Variants in PTPN13 observed in about 807,000 individuals in gnomAD.
The protein encoded by PTPN13 is protein tyrosine phosphatase non-receptor type 13, also known as tyrosine-protein phosphatase non-receptor type 13.
In PTPN13, 191 loss-of-function variants were observed where a neutral mutation model predicts 284.0. The ratio of observed to expected loss-of-function variants is 0.67; its 90% CI spans 0.60 to 0.76. PTPN13 has a LOEUF of 0.76. Among genes scored for constraint, PTPN13 ranks in the 30% least tolerant of loss-of-function variants. The pLI, the probability that PTPN13 is intolerant of heterozygous loss-of-function variation, is 0.00. For synonymous variants in PTPN13, 986 were observed against 1,022.3 expected, an observed-to-expected ratio of 0.96 and a Z score of 0.68; for missense variants, 2,797 against 2,939.9, an observed-to-expected ratio of 0.95 and a Z score of 1.12.
chr4:86,780,251 A>T, intron 35 of PTPN13, 151 bp from the exon 36 acceptor site: 1 of 637,090 alleles, frequency 1.6e-6, no homozygotes, highest in Non-Finnish European at 2.8e-6. Flanking sequence ...ATACAAAAAA[A>T]TAGCTGGGCA....
At chr4:86,794,658 C>T (rs1565597991) in intron 40 of PTPN13, among the ~76,000 whole-genome samples, 1 of 152,124 alleles carries the variant, frequency 6.6e-6, no homozygotes, top group Admixed American at 6.5e-5. Flanking sequence ...TACTACAAGG[C>T]TACAGTAACC....
At chr4:86,754,764 T>G (rs1341016745) in intron 20 of PTPN13, among the ~76,000 whole-genome samples, 1 of 152,122 alleles carries the variant, frequency 6.6e-6, no homozygotes, top group Non-Finnish European at 1.5e-5. Context: ...AGAATATGAA[T>G]GTACATTGGA....
At chr4:86,642,745 G>A (rs904833380) in intron 2 of PTPN13, among the ~76,000 whole-genome samples, 18 of 151,948 alleles carry the variant, frequency 1.2e-4, no homozygotes, top group South Asian at 2.1e-4. Flanking sequence ...GTGAGCCACC[G>A]CGCCTGGCCC....
intron 35 of PTPN13, among the ~76,000 whole-genome samples, chr4:86,779,686 C>T (rs557295874): frequency 6.6e-6 from 1 of 152,250 alleles, no homozygotes; most frequent in South Asian, 2.1e-4. Flanking sequence ...CAGGGGTACT[C>T]AGAACTTTAA....
intron 3 of PTPN13, among the ~76,000 whole-genome samples, chr4:86,685,232 G>A (rs1729320565): frequency 6.6e-6 from 1 of 152,076 alleles, no homozygotes. Context: ...CTTTGATTCA[G>A]CTTCCTTCTC....
At chr4:86,651,667 T>G (rs1383080860) in intron 2 of PTPN13, among the ~76,000 whole-genome samples, 2 of 152,182 alleles carry the variant, frequency 1.3e-5, no homozygotes, top group Non-Finnish European at 2.9e-5. Flanking sequence ...TTACTTGTTA[T>G]TGGTCTATTG....
intron 28 of PTPN13, among the ~76,000 whole-genome samples, chr4:86,768,235 A>G (rs1739558730): frequency 6.6e-6 from 1 of 152,224 alleles, no homozygotes; most frequent in African/African-American, 2.4e-5. Flanking sequence ...GTAAAATTCA[A>G]AATAGAATTT....
At chr4:86,630,938 T>C (rs940691604) in intron 1 of PTPN13, among the ~76,000 whole-genome samples, 12 of 152,188 alleles carry the variant, frequency 7.9e-5, no homozygotes. Flanking sequence ...TGAGCAGTTT[T>C]AAGGTCATGT....
chr4:86,675,189 A>T (rs575794355), intron 3 of PTPN13, among the ~76,000 whole-genome samples: 28 of 152,296 alleles, frequency 1.8e-4, no homozygotes, highest in South Asian at 8.3e-4. Flanking sequence ...GTTTAGAAGC[A>T]ATGTTGGGGA....
At chr4:86,668,914 A>G (rs1727408513) in intron 2 of PTPN13, among the ~76,000 whole-genome samples, 1 of 151,312 alleles carries the variant, frequency 6.6e-6, no homozygotes, top group African/African-American at 2.4e-5. Context: ...GCCTGTCTGT[A>G]TTTTTTTAAC....
Position 86,744,988 on chromosome 4 carries a change from A to G in PTPN13, c.2510A>G (p.Asn837Ser), listed in dbSNP as rs1338582789. ...TAGAAAAAGAAAATCACATTGCAAA[A>G]TACATCAGATGGAATAAAACATGGC... Reference protein sequence around the residue: ...SFSKKKITLQNTSDGIKHGFQ... With the variant: ...SFSKKKITLQSTSDGIKHGFQ... Residue 837 changes from asparagine (N) to serine (S), a missense_variant, in exon 17 of 48, where the codon AAT (asparagine) becomes AGT (serine). Asn to Ser is a conservative substitution (Grantham distance 46). Transcript: ENST00000411767. The G allele has an allele frequency of 6.3e-7, 1 of 1,582,676 alleles. No homozygotes were observed. The highest frequency in any genetic ancestry group is 2.3e-5 in the East Asian group (1 of 43,700).
Position 86,780,406 on chromosome 4 carries a change from G to A in PTPN13, c.5896G>A (p.Asp1966Asn). Residue 1966 changes from aspartate (D) to asparagine (N), a missense_variant, in exon 36 of 48, where the codon GAT (aspartate) becomes AAT (asparagine). By Grantham distance (23) the Asp-to-Asn change is conservative. Coordinates refer to ENST00000411767, the MANE Select transcript of PTPN13 (RefSeq NM_080683.3). Reference sequence around the variant, plus strand: ...TTGTCTTTTTTTACAACACAGAAATGATCTTCCAGTGGTCCCCAGCTCAAA... The same window carrying A: ...TTGTCTTTTTTTACAACACAGAAATAATCTTCCAGTGGTCCCCAGCTCAAA... ...PSLVLKATRN[D>N]LPVVPSSKRS... 6.2e-7 allele frequency: 1 copy of A among 1,608,716 alleles called. No individual in the cohort carries two copies. Among genetic ancestry groups the A allele is most frequent in the Non-Finnish European group, 8.5e-7 (1 of 1,177,290 alleles).
At chr4:86,702,576 A>T (rs946044214) in intron 7 of PTPN13, among the ~76,000 whole-genome samples, 6 of 152,194 alleles carry the variant, frequency 3.9e-5, no homozygotes, top group African/African-American at 1.4e-4. Flanking sequence ...GTAATTTCTT[A>T]TTCTAGAGAA....
chr4:86,701,760 A>G lies in PTPN13; in HGVS notation c.1154A>G (p.Gln385Arg). 3 of 1,613,428 alleles carry G rather than the reference A, an allele frequency of 1.9e-6. No homozygotes were observed. The highest frequency in any genetic ancestry group is 2.2e-5 in the East Asian group (1 of 44,890). ...SSALDRIRER[Q>R]KKLQVLREAM... is the part of the protein sequence containing the mutation. ...GCTTTGGACCGAATCCGAGAGAGAC[A>G]AAAGAAACTTCAGGTTCTGAGGGAA... Residue 385 changes from glutamine to arginine, a missense_variant, in exon 7 of 48, where the codon CAA becomes CGA. Transcript: ENST00000411767.
intron 2 of PTPN13, among the ~76,000 whole-genome samples, chr4:86,656,813 G>T: frequency 6.6e-6 from 1 of 152,332 alleles, no homozygotes; most frequent in East Asian, 1.9e-4. Flanking sequence ...GCTATGCCCT[G>T]CCCCCAGAGG....
chr4:86,673,023 C>T (rs183870481), intron 3 of PTPN13, among the ~76,000 whole-genome samples: 1 of 152,274 alleles, frequency 6.6e-6, no homozygotes, highest in African/African-American at 2.4e-5. Context: ...CAGCCTCAGT[C>T]CCTCACATGT....
chr4:86,615,184 A>G (rs145974551), intron 1 of PTPN13, among the ~76,000 whole-genome samples: 1 of 152,262 alleles, frequency 6.6e-6, no homozygotes, highest in African/African-American at 2.4e-5. Context: ...GGCATATGCT[A>G]TTGCATTGAT....
At chr4:86,756,312 G>A (rs1170431339) in intron 20 of PTPN13, among the ~76,000 whole-genome samples, 1 of 151,534 alleles carries the variant, frequency 6.6e-6, no homozygotes, top group Non-Finnish European at 1.5e-5. Context: ...GTGTTGTTTT[G>A]TATTTGTTCT....
chr4:86,740,956 T>C (rs958783590), intron 15 of PTPN13, among the ~76,000 whole-genome samples: 2 of 152,144 alleles, frequency 1.3e-5, no homozygotes, highest in African/African-American at 4.8e-5. Flanking sequence ...GAGTCACCTC[T>C]GCTCCAGTTC....
Sources: allele counts gnomAD v4.1 joint callset (sites outside exome capture counted in the v4.1 genomes callset), GRCh38; gene constraint gnomAD v4.1.1; transcripts MANE v1.5; gene names NCBI Gene and HGNC (gene_info 2026-07-23, HGNC 2026-07-21).